COLGALT2: variants seen among roughly 807,000 people sequenced by gnomAD.
The protein encoded by COLGALT2 is procollagen galactosyltransferase 2.
Under a neutral mutation model 73.4 loss-of-function variants are expected in COLGALT2, and 49 were observed. The observed-to-expected ratio is 0.67, with a 90% CI of 0.53 to 0.85. The LOEUF (loss-of-function observed/expected upper bound fraction) is 0.85. Ranked by LOEUF, COLGALT2 falls within the 40% of genes least tolerant of loss-of-function variation. COLGALT2 has a pLI of 0.00. For synonymous variants in COLGALT2, 295 were observed against 307.6 expected (o/e 0.96, Z 0.43); for missense variants, 722 against 790.2 (o/e 0.91, Z 1.03).
At chr1:184,016,673 T>C (rs1053320062) in intron 1 of COLGALT2, among the ~76,000 whole-genome samples, 6 of 152,192 alleles carry the variant, frequency 3.9e-5, no homozygotes, top group African/African-American at 1.2e-4. Context: ...AAATTCAAAA[T>C]GTAAAATTAA....
At chr1:184,000,819 C>A (rs1417919305) in intron 1 of COLGALT2, among the ~76,000 whole-genome samples, 2 of 149,662 alleles carry the variant, frequency 1.3e-5, no homozygotes, top group Non-Finnish European at 3.0e-5. Context: ...TGTATTTCAG[C>A]CCCCCATTTT....
At chr1:184,001,558 AT>A (rs1310939686) in intron 1 of COLGALT2, among the ~76,000 whole-genome samples, 1 of 152,056 alleles carries the variant, frequency 6.6e-6, no homozygotes, top group Non-Finnish European at 1.5e-5. Flanking sequence ...ATGCAGTATA[AT>A]TTTTTAACTC....
At chr1:183,973,030 T>C (rs1310663262) in intron 4 of COLGALT2, among the ~76,000 whole-genome samples, 1 of 152,158 alleles carries the variant, frequency 6.6e-6, no homozygotes, top group East Asian at 1.9e-4. Context: ...TAATTCCACT[T>C]CTAAAAAGCT....
chr1:183,983,116 ACTGT>A (rs1455879223), intron 1 of COLGALT2, among the ~76,000 whole-genome samples: 1 of 152,192 alleles, frequency 6.6e-6, no homozygotes, highest in Non-Finnish European at 1.5e-5. Flanking sequence ...GAGTTAAAAA[ACTGT>A]CTGTAGTGTT....
intron 1 of COLGALT2, among the ~76,000 whole-genome samples, chr1:184,025,638 T>C (rs1310797847): frequency 2.6e-5 from 4 of 152,202 alleles, no homozygotes; most frequent in Non-Finnish European, 5.9e-5. Flanking sequence ...AGGTCTAATA[T>C]ATGCCATTGC....
intron 1 of COLGALT2, among the ~76,000 whole-genome samples, chr1:184,035,909 C>G (rs1649658821): frequency 6.6e-6 from 1 of 152,216 alleles, no homozygotes; most frequent in Non-Finnish European, 1.5e-5. Flanking sequence ...CAGAGCTGTA[C>G]TATATCACAT....
chr1:183,992,850 G>A (rs556994710), intron 1 of COLGALT2, among the ~76,000 whole-genome samples: 2 of 152,242 alleles, frequency 1.3e-5, no homozygotes, highest in South Asian at 2.1e-4. Context: ...TTGGGATCAT[G>A]TATCTCTTCT....
intron 1 of COLGALT2, among the ~76,000 whole-genome samples, chr1:184,000,686 T>C (rs1426190755): frequency 2.6e-5 from 4 of 152,024 alleles, no homozygotes; most frequent in African/African-American, 9.7e-5. Flanking sequence ...CTGAAGTACA[T>C]GGATTTAGGT....
chr1:183,956,458 TAGGG>T (rs1259254860), intron 6 of COLGALT2, among the ~76,000 whole-genome samples: 5 of 152,136 alleles, frequency 3.3e-5, no homozygotes, highest in African/African-American at 1.2e-4. Context: ...TTAAAATCAA[TAGGG>T]AGGGTCCACC....
At chr1:184,032,950 C>T (rs1649561739) in intron 1 of COLGALT2, among the ~76,000 whole-genome samples, 1 of 152,214 alleles carries the variant, frequency 6.6e-6, no homozygotes, top group Non-Finnish European at 1.5e-5. Flanking sequence ...CCCAGCTCAT[C>T]ACTGTTTATG....
chr1:183,973,850 G>A lies in COLGALT2; in HGVS notation c.493-100C>T, dbSNP rs1252505424. 8.8e-6 allele frequency: 10 copies of A among 1,134,066 alleles called. No homozygotes were observed. In the Admixed American group the frequency reaches 1.1e-4, roughly 12 times the overall value. 70.3% of individuals were successfully genotyped at this position (1,134,066 alleles called of 1,614,324 possible). On this transcript the variant is annotated intron_variant, in intron 3 of 11. Transcript: ENST00000361927. Reference sequence around the variant, plus strand: ...TGAAGGATCCCAGAAACTTGCTCATGACATATGGAACCAGCTATCTATGTC... The same window carrying A: ...TGAAGGATCCCAGAAACTTGCTCATAACATATGGAACCAGCTATCTATGTC...
intron 1 of COLGALT2, among the ~76,000 whole-genome samples, chr1:184,015,096 TA>T (rs71717219): frequency 6.2e-4 from 90 of 144,012 alleles, no homozygotes; most frequent in South Asian, 1.1e-3. Flanking sequence ...TTCTAGTGGG[TA>T]AAAAAAAAAA....
intron 3 of COLGALT2, 74 bp downstream of exon 3, chr1:183,975,023 G>A: frequency 9.5e-7 from 1 of 1,047,832 alleles, no homozygotes; most frequent in Non-Finnish European, 1.5e-6. Flanking sequence ...TGCTTCCATG[G>A]TTCTAGTTTT....
chr1:183,973,475 C>T, intron 4 of COLGALT2, 141 bp downstream of exon 4: 2 of 1,039,198 alleles, frequency 1.9e-6, no homozygotes, highest in Non-Finnish European at 2.9e-6. Context: ...TACTGCCCTT[C>T]CTAAAAAATG....
intron 1 of COLGALT2, among the ~76,000 whole-genome samples, chr1:184,016,511 A>G (rs77829233): frequency 0.04 from 6,070 of 152,328 alleles, 162 homozygotes; most frequent in South Asian, 0.11. Flanking sequence ...AAGTTTTCAA[A>G]AGGAATATTT....
chr1:183,975,029 G>C, intron 3 of COLGALT2, 68 bp downstream of exon 3: 1 of 1,145,040 alleles, frequency 8.7e-7, no homozygotes, highest in Admixed American at 1.8e-5. Context: ...CATGGTTCTA[G>C]TTTTTGGACG....
chr1:184,007,089 G>C (rs1181084580), intron 1 of COLGALT2, among the ~76,000 whole-genome samples: 1 of 152,234 alleles, frequency 6.6e-6, no homozygotes, highest in African/African-American at 2.4e-5. Flanking sequence ...AGCAGAGGCA[G>C]CATTAAAATG....
intron 1 of COLGALT2, among the ~76,000 whole-genome samples, chr1:184,003,892 A>AGCAC (rs1374961800): frequency 6.6e-6 from 1 of 152,180 alleles, no homozygotes; most frequent in Non-Finnish European, 1.5e-5. Flanking sequence ...ATCCCCACTG[A>AGCAC]GCACATGTGA....
intron 1 of COLGALT2, among the ~76,000 whole-genome samples, chr1:184,019,405 A>AT (rs2102853752): frequency 6.6e-6 from 1 of 152,332 alleles, no homozygotes; most frequent in South Asian, 2.1e-4. Context: ...GGGGTTTCTC[A>AT]TTTTAAATCA....
Sources: allele counts gnomAD v4.1 joint callset (sites outside exome capture counted in the v4.1 genomes callset), GRCh38; gene constraint gnomAD v4.1.1; transcripts MANE v1.5; gene names NCBI Gene and HGNC (gene_info 2026-07-23, HGNC 2026-07-21).